SLC9A9: variants seen among roughly 807,000 people sequenced by gnomAD.
SLC9A9 encodes solute carrier family 9 member A9.
SLC9A9 carries 62 observed loss-of-function variants against 77.8 expected under a neutral mutation model. The ratio of observed to expected loss-of-function variants is 0.80; its 90% CI spans 0.65 to 0.98. The LOEUF is 0.98. SLC9A9 is among the 50% of genes least tolerant of loss of function. The pLI, the probability that SLC9A9 is intolerant of heterozygous loss-of-function variation, is 0.00. For synonymous variants in SLC9A9, 320 were observed against 283.5 expected, an observed-to-expected ratio of 1.13 and a Z score of -1.29; for missense variants, 775 against 774.9, an observed-to-expected ratio of 1.00 and a Z score of 0.00.
At chr3:143,815,947 G>C (rs1217648568) in intron 2 of SLC9A9, among the ~76,000 whole-genome samples, 1 of 152,196 alleles carries the variant, frequency 6.6e-6, no homozygotes, top group Non-Finnish European at 1.5e-5. Flanking sequence ...CGAGAGACAT[G>C]TGCAAGGTCA....
chr3:143,270,717 A>G (rs1937873003), intron 14 of SLC9A9, among the ~76,000 whole-genome samples: 1 of 152,236 alleles, frequency 6.6e-6, no homozygotes, highest in Non-Finnish European at 1.5e-5. Flanking sequence ...TGAGCTTGAA[A>G]GAGGCCTGAG....
At chr3:143,466,884 T>C (rs1429966420) in intron 12 of SLC9A9, among the ~76,000 whole-genome samples, 153 bp downstream of exon 12, 1 of 152,236 alleles carries the variant, frequency 6.6e-6, no homozygotes, top group Non-Finnish European at 1.5e-5. Context: ...TACTATGTCA[T>C]ATTGTTTCAC....
chr3:143,785,845 CT>C (rs57552730), intron 4 of SLC9A9, among the ~76,000 whole-genome samples: 180 of 112,894 alleles, frequency 1.6e-3, no homozygotes, highest in South Asian at 3.5e-3. Context: ...TTGAATTTTT[CT>C]TTTTTTTTTT....
chr3:143,352,116 G>C (rs1336991661), intron 14 of SLC9A9, among the ~76,000 whole-genome samples: 2 of 152,144 alleles, frequency 1.3e-5, no homozygotes, highest in African/African-American at 4.8e-5. Flanking sequence ...CCTCATGACT[G>C]ACACCCACTC....
intron 6 of SLC9A9, among the ~76,000 whole-genome samples, chr3:143,636,672 T>C (rs1230914714): frequency 6.6e-6 from 1 of 152,196 alleles, no homozygotes; most frequent in Admixed American, 6.5e-5. Flanking sequence ...ACTCTTTATG[T>C]CCACGTGTAC....
At chr3:143,312,782 G>C (rs571466264) in intron 14 of SLC9A9, among the ~76,000 whole-genome samples, 1 of 152,144 alleles carries the variant, frequency 6.6e-6, no homozygotes, top group Non-Finnish European at 1.5e-5. Flanking sequence ...TTTGAGGACC[G>C]AAGTCATCCC....
chr3:143,408,034 T>C (rs746823333), intron 12 of SLC9A9, among the ~76,000 whole-genome samples: 2 of 152,220 alleles, frequency 1.3e-5, no homozygotes, highest in African/African-American at 2.4e-5. Context: ...GGCCTTCTCA[T>C]TGTGTGCTCA....
chr3:143,455,804 T>A (rs2035080727), intron 12 of SLC9A9, among the ~76,000 whole-genome samples: 1 of 151,908 alleles, frequency 6.6e-6, no homozygotes, highest in African/African-American at 2.4e-5. Flanking sequence ...AAGTTTTTTT[T>A]TTTTTAGGTT....
At chr3:143,561,719 A>T (rs2037088861) in intron 8 of SLC9A9, among the ~76,000 whole-genome samples, 1 of 152,206 alleles carries the variant, frequency 6.6e-6, no homozygotes, top group African/African-American at 2.4e-5. Flanking sequence ...AATATGATGG[A>T]TATTAAAATG....
At position 143,467,637 on chromosome 3, in the gene SLC9A9, C is replaced by T. The variant is rs781538890; in HGVS notation, c.1316-447G>A. ...GCATGTGTCTTTAGTCCCAGCTACT[C>T]GAAAGGATCACTTAAGCCCAGGAGT... On this transcript the variant is annotated intron_variant, in intron 11 of 15. Coordinates refer to ENST00000316549, the MANE Select transcript of SLC9A9 (RefSeq NM_173653.4). Among the ~76,000 whole-genome samples, 3 of 151,776 alleles carry T rather than the reference C, an allele frequency of 2.0e-5. No individual in the cohort carries two copies. The East Asian group carries it at 5.8e-4, about 29-fold the overall frequency.
chr3:143,768,287 G>T (rs2007397677), intron 4 of SLC9A9, among the ~76,000 whole-genome samples: 1 of 152,096 alleles, frequency 6.6e-6, no homozygotes, highest in African/African-American at 2.4e-5. Context: ...AATACCACTT[G>T]TTAAGGGGGC....
At chr3:143,384,227 T>G (rs1576461734) in intron 12 of SLC9A9, among the ~76,000 whole-genome samples, 1 of 139,142 alleles carries the variant, frequency 7.2e-6, no homozygotes, top group African/African-American at 2.6e-5. Context: ...GGGGTGGGGG[T>G]GGCCTGCCTC....
intron 12 of SLC9A9, among the ~76,000 whole-genome samples, chr3:143,408,383 A>G (rs948640150): frequency 2.6e-5 from 4 of 152,218 alleles, no homozygotes; most frequent in African/African-American, 9.7e-5. Flanking sequence ...AGGGTATTCA[A>G]TGATGATGAG....
intron 4 of SLC9A9, among the ~76,000 whole-genome samples, chr3:143,775,453 A>T (rs1161336937): frequency 1.3e-5 from 2 of 152,238 alleles, no homozygotes; most frequent in Non-Finnish European, 2.9e-5. Context: ...ACTTTCCCTT[A>T]GATTGAAGTT....
At chr3:143,343,217 T>C (rs1430076428) in intron 14 of SLC9A9, 1 of 152,184 alleles carries the variant, frequency 6.6e-6, no homozygotes, top group East Asian at 1.9e-4. Context: ...TCATGGATAT[T>C]TTTTTCCCAC....
At chr3:143,797,843 C>T (rs758830922) in intron 2 of SLC9A9, among the ~76,000 whole-genome samples, 30 of 152,142 alleles carry the variant, frequency 2.0e-4, no homozygotes, top group Non-Finnish European at 3.4e-4. Flanking sequence ...TTCACTGACT[C>T]TCTTTTGGGA....
chr3:143,491,479 T>C (rs76613030), intron 11 of SLC9A9, among the ~76,000 whole-genome samples: 2,215 of 152,222 alleles, frequency 0.015, 42 homozygotes, highest in East Asian at 0.12. Context: ...ATTAATAAAA[T>C]AGCCATGGAT....
chr3:143,355,533 T>C (rs1326499150), intron 14 of SLC9A9, among the ~76,000 whole-genome samples: 1 of 152,218 alleles, frequency 6.6e-6, no homozygotes, highest in Non-Finnish European at 1.5e-5. Context: ...TAGGCTATAA[T>C]AGCAAATCAA....
At chr3:143,463,403 A>G (rs956530401) in intron 12 of SLC9A9, among the ~76,000 whole-genome samples, 1 of 152,210 alleles carries the variant, frequency 6.6e-6, no homozygotes, top group Non-Finnish European at 1.5e-5. Flanking sequence ...ACTGCCAGAG[A>G]GCTCTGCCCT....
Sources: gnomAD v4.1 joint callset for allele counts (sites outside exome capture counted in the v4.1 genomes callset) on GRCh38, gnomAD v4.1.1 for gene constraint, MANE v1.5 for transcripts, NCBI Gene and HGNC (gene_info 2026-07-23, HGNC 2026-07-21) for gene names.